Variants in SAMD4A observed in about 807,000 individuals in gnomAD.
SAMD4A encodes sterile alpha motif domain containing 4A.
Under a neutral mutation model 81.3 loss-of-function variants are expected in SAMD4A, and 33 were observed. The ratio of observed to expected loss-of-function variants is 0.41; its 90% CI spans 0.31 to 0.54. SAMD4A has a LOEUF of 0.54. Among genes scored for constraint, SAMD4A ranks in the 20% least tolerant of loss-of-function variants. SAMD4A has a pLI of 0.37. For synonymous variants in SAMD4A, 389 were observed against 382.1 expected (o/e 1.02, Z -0.21); for missense variants, 854 against 951.1 (o/e 0.90, Z 1.34).
In SAMD4A at chr14:54,588,354, AT is replaced by A. The variant is rs377251584; in HGVS notation, c.196+20252del. Among the ~76,000 whole-genome samples the A allele has an allele frequency of 3.3e-3, 484 of 148,084 alleles. 2 individuals are homozygous for A. The highest frequency in any genetic ancestry group is 4.5e-3 in the Non-Finnish European group (301 of 66,396). On this transcript the variant is annotated intron_variant, in intron 2 of 12. Transcript: ENST00000554335. The stretch of plus-strand genomic sequence containing the variant: ...GCTTTTTGTTTCATTTATCTTTTGT[AT>A]TTTTTTTTTGTTGTTGTTTTAATTT...
intron 2 of SAMD4A, among the ~76,000 whole-genome samples, chr14:54,589,775 TCTTTA>T (rs1359190947): frequency 2.0e-5 from 3 of 152,230 alleles, no homozygotes; most frequent in African/African-American, 7.2e-5. Flanking sequence ...AATCATGATA[TCTTTA>T]CTTTAATTTT....
chr14:54,684,190 A>G (rs1283180527), intron 2 of SAMD4A, among the ~76,000 whole-genome samples: 1 of 152,192 alleles, frequency 6.6e-6, no homozygotes, highest in African/African-American at 2.4e-5. Flanking sequence ...TAGCAAATTA[A>G]CTGATATTCC....
At chr14:54,675,641 A>G (rs1017817856) in intron 2 of SAMD4A, among the ~76,000 whole-genome samples, 2 of 152,244 alleles carry the variant, frequency 1.3e-5, no homozygotes, top group African/African-American at 2.4e-5. Context: ...GTAGAATTCA[A>G]TAGAGTTGTC....
chr14:54,661,071 A>G (rs564610038), intron 2 of SAMD4A, among the ~76,000 whole-genome samples: 1 of 152,338 alleles, frequency 6.6e-6, no homozygotes, highest in East Asian at 1.9e-4. Flanking sequence ...CAGAACACCG[A>G]AGTTCTTGAC....
chr14:54,702,529 T>C lies in SAMD4A; in HGVS notation c.664T>C (p.Ser222Pro), dbSNP rs2036745285. ...CENGHVPLYS[S>P]SSVPTTINTI... ...GAATGGCCATGTGCCCCTCTACTCC[T>C]CCTCATCTGTCCCCACCACAATCAA... The change falls in exon 3 of 13, where the codon TCC becomes CCC. Residue 222 changes from serine to proline, a missense_variant. Physicochemically the swap from Ser to Pro is moderately conservative, Grantham distance 74. Coordinates refer to ENST00000554335, the MANE Select transcript of SAMD4A (RefSeq NM_015589.6). 6.2e-7 allele frequency: 1 copy of C among 1,614,110 alleles called. No individual in the cohort carries two copies. The highest frequency in any genetic ancestry group is 1.3e-5 in the African/African-American group (1 of 75,034).
intron 2 of SAMD4A, among the ~76,000 whole-genome samples, chr14:54,632,294 A>G (rs2034922549): frequency 6.6e-6 from 1 of 152,174 alleles, no homozygotes; most frequent in African/African-American, 2.4e-5. Context: ...CAATCTGGTA[A>G]TCTGTTTGTT....
At chr14:54,728,695 A>C (rs2037485785) in intron 3 of SAMD4A, among the ~76,000 whole-genome samples, 1 of 152,186 alleles carries the variant, frequency 6.6e-6, no homozygotes, top group African/African-American at 2.4e-5. Context: ...CAAGGAGCTA[A>C]GTTAAGAATT....
chr14:54,750,347 T>C (rs2038072650), intron 5 of SAMD4A, among the ~76,000 whole-genome samples: 1 of 152,220 alleles, frequency 6.6e-6, no homozygotes, highest in Non-Finnish European at 1.5e-5. Flanking sequence ...GTTGTTGATA[T>C]TCCTATCTTT....
chr14:54,702,605 C>T lies in SAMD4A; in HGVS notation c.715+25C>T, dbSNP rs754935854. 8 of 1,609,374 alleles carry T rather than the reference C, an allele frequency of 5.0e-6. No individual in the cohort carries two copies. The Admixed American group carries it at 5.0e-5, about 10-fold the overall frequency. On this transcript the variant is annotated intron_variant, in intron 3 of 12. Coordinates refer to ENST00000554335, the MANE Select transcript of SAMD4A (RefSeq NM_015589.6). ...AGTAAGTTCCCCGGAATCCCTTTAA[C>T]GTAGTCTGGTTTGGCGATTTGCTGT...
At chr14:54,784,980 G>C (rs935272434) in intron 12 of SAMD4A, among the ~76,000 whole-genome samples, 2 of 152,214 alleles carry the variant, frequency 1.3e-5, no homozygotes, top group African/African-American at 2.4e-5. Flanking sequence ...CATGAGACAT[G>C]GCTTTTAGTA....
At chr14:54,750,978 A>T (rs2038087738) in intron 5 of SAMD4A, among the ~76,000 whole-genome samples, 1 of 152,226 alleles carries the variant, frequency 6.6e-6, no homozygotes, top group African/African-American at 2.4e-5. Context: ...AATTAAGAAG[A>T]TGGCTGGGTG....
In SAMD4A at chr14:54,786,045, A is replaced by T. The variant is rs575767581; in HGVS notation, c.2128+1425A>T. Among the ~76,000 whole-genome samples the T allele has an allele frequency of 2.0e-5, 3 of 152,338 alleles. No individual in the cohort carries two copies. In the South Asian group the frequency reaches 6.2e-4, roughly 32 times the overall value. On this transcript the variant is annotated intron_variant, in intron 12 of 12. Transcript: ENST00000554335. Reference sequence around the variant, plus strand: ...CCAGCTCATCTTTACCTCATAGAGGAGACTGGGTCAGCAGCCCCCTAATGA... The same window carrying T: ...CCAGCTCATCTTTACCTCATAGAGGTGACTGGGTCAGCAGCCCCCTAATGA...
intron 3 of SAMD4A, among the ~76,000 whole-genome samples, chr14:54,729,305 G>A (rs1196345070): frequency 5.3e-5 from 8 of 152,174 alleles, no homozygotes; most frequent in Non-Finnish European, 7.3e-5. Flanking sequence ...TTTCTGCATA[G>A]GCATGTGAGC....
intron 8 of SAMD4A, among the ~76,000 whole-genome samples, chr14:54,766,161 T>A (rs1017333550): frequency 5.9e-5 from 9 of 152,220 alleles, no homozygotes; most frequent in African/African-American, 2.2e-4. Context: ...ATTTGTGACT[T>A]TGTTTCAGGG....
Position 54,738,029 on chromosome 14 carries a change from A to G in SAMD4A, c.979+742A>G, listed in dbSNP as rs377348499. On this transcript the variant is annotated intron_variant, in intron 4 of 12. Transcript: ENST00000554335. ...GGTACAAAGAGGATACGTGCATGCTATATTTTTAGACTCCACTTGTACAAG... is the reference window on the plus strand; with the variant it reads ...GGTACAAAGAGGATACGTGCATGCTGTATTTTTAGACTCCACTTGTACAAG... 7.9e-5 allele frequency among the ~76,000 whole-genome samples: 12 copies of G among 152,344 alleles called. No homozygotes were observed. In the East Asian group the frequency reaches 1.4e-3, roughly 17 times the overall value.
At chr14:54,653,203 G>A (rs909151639) in intron 2 of SAMD4A, among the ~76,000 whole-genome samples, 5 of 151,796 alleles carry the variant, frequency 3.3e-5, no homozygotes, top group Admixed American at 6.6e-5. Context: ...AGAACACCCC[G>A]GAGGTGTTTC....
chr14:54,669,445 CTTTT>C (rs11406251), intron 2 of SAMD4A, among the ~76,000 whole-genome samples: 6 of 103,334 alleles, frequency 5.8e-5, no homozygotes, highest in African/African-American at 2.3e-4. Flanking sequence ...ACGCTTCTTT[CTTTT>C]TTTTTTTTTT....
In SAMD4A at chr14:54,760,244, C is replaced by G. The variant is rs765544860; in HGVS notation, c.1260C>G (p.Ser420=). The part of the protein sequence containing the change: ...MILTPIKAYS[S]PSTTPEARRR... Reference sequence around the variant, plus strand: ...TGACTCCGATCAAGGCCTACAGCTCCCCGAGCACCACCCCCGAGGCTCGCC... The same window carrying G: ...TGACTCCGATCAAGGCCTACAGCTCGCCGAGCACCACCCCCGAGGCTCGCC... The change falls in exon 7 of 13, where the codon TCC becomes TCG. Residue 420 remains serine (S), a synonymous_variant. Transcript: ENST00000554335. 4 of 1,613,298 alleles carry G rather than the reference C, an allele frequency of 2.5e-6. No homozygotes were observed. Among genetic ancestry groups the G allele is most frequent in the Non-Finnish European group, 3.4e-6 (4 of 1,179,916 alleles).
chr14:54,732,492 T>G (rs536138860), intron 3 of SAMD4A, among the ~76,000 whole-genome samples: 59 of 152,290 alleles, frequency 3.9e-4, no homozygotes, highest in Admixed American at 1.6e-3. Flanking sequence ...ATAACATTTT[T>G]AAAGCATGCT....
Sources: allele counts gnomAD v4.1 joint callset (sites outside exome capture counted in the v4.1 genomes callset), GRCh38; gene constraint gnomAD v4.1.1; transcripts MANE v1.5; gene names NCBI Gene and HGNC (gene_info 2026-07-23, HGNC 2026-07-21).